Variants in CALN1 observed in about 807,000 individuals in gnomAD.
CALN1 encodes calcium-binding protein 8.
CALN1 carries 17 observed loss-of-function variants against 30.6 expected under a neutral mutation model. That is an observed-to-expected ratio of 0.56 (90% CI 0.38 to 0.83). The LOEUF (loss-of-function observed/expected upper bound fraction) is 0.83, where lower values mean the gene tolerates loss of function less well. Among genes scored for constraint, CALN1 ranks in the 40% least tolerant of loss-of-function variants. The pLI, the probability that CALN1 is intolerant of heterozygous loss-of-function variation, is 0.00. For missense variants in CALN1, 291 were observed against 354.9 expected (o/e 0.82, Z 1.45); for synonymous variants, 156 against 131.4 (o/e 1.19, Z -1.28).
In CALN1 at chr7:72,131,286, G is replaced by A. The variant is rs139318630; in HGVS notation, c.245-24992C>T. ...ATGTACAAGATCCTTAAAGATGAAT[G>A]GTAATTGGATTCAAGATGCTATGGT... On this transcript the variant is annotated intron_variant, in intron 3 of 6. Coordinates refer to ENST00000395275, the MANE Select transcript of CALN1 (RefSeq NM_031468.4). Among the ~76,000 whole-genome samples the A allele has an allele frequency of 6.4e-3, 973 of 152,248 alleles. 13 individuals carry two copies. The highest frequency in any genetic ancestry group is 0.022 in the African/African-American group (897 of 41,532).
chr7:71,894,959 A>C (rs562053008), intron 5 of CALN1, among the ~76,000 whole-genome samples: 1 of 151,972 alleles, frequency 6.6e-6, no homozygotes, highest in South Asian at 2.1e-4. Context: ...CTTGAATTTC[A>C]TTTTCTTTTT....
At chr7:72,322,734 T>C (rs1800972703) in intron 2 of CALN1, among the ~76,000 whole-genome samples, 1 of 151,964 alleles carries the variant, frequency 6.6e-6, no homozygotes, top group Admixed American at 6.6e-5. Context: ...GAATGAATAA[T>C]ACCCTAGTAC....
intron 5 of CALN1, among the ~76,000 whole-genome samples, chr7:71,926,569 C>G (rs1795281696): frequency 6.6e-6 from 1 of 152,208 alleles, no homozygotes; most frequent in African/African-American, 2.4e-5. Flanking sequence ...CTGCTATTAT[C>G]TCTTCAAGTA....
intron 4 of CALN1, among the ~76,000 whole-genome samples, chr7:72,100,396 G>A (rs575917536): frequency 6.6e-5 from 10 of 151,952 alleles, no homozygotes; most frequent in East Asian, 3.9e-4. Flanking sequence ...TGCCCAGACC[G>A]GTCTTAAATT....
Position 72,195,070 on chromosome 7 carries a change from C to T in CALN1, c.244+83616G>A, listed in dbSNP as rs578000506. Among the ~76,000 whole-genome samples the T allele has an allele frequency of 2.0e-4, 30 of 152,298 alleles. 1 individual carries two copies. In the South Asian group the frequency reaches 6.0e-3, roughly 31 times the overall value. On this transcript the variant is annotated intron_variant, in intron 3 of 6. Coordinates refer to ENST00000395275, the MANE Select transcript of CALN1 (RefSeq NM_031468.4). ...CCTCAATCCTCAACATGAGCAAGTT[C>T]AAGTCACTTTACAGTTCGTCATGTG...
At chr7:72,390,021 C>G (rs1805475246) in intron 2 of CALN1, among the ~76,000 whole-genome samples, 1 of 151,936 alleles carries the variant, frequency 6.6e-6, no homozygotes, top group African/African-American at 2.4e-5. Context: ...TGGCTTACTG[C>G]TGGGGTAGTA....
intron 4 of CALN1, among the ~76,000 whole-genome samples, chr7:72,051,119 T>C (rs1397682489): frequency 9.9e-5 from 15 of 151,776 alleles, no homozygotes; most frequent in Non-Finnish European, 2.9e-5. Flanking sequence ...ATAGGGGTAA[T>C]GATATAATTA....
At chr7:72,310,917 AAAAAAAAAAAAC>A (rs1427930803) in intron 2 of CALN1, among the ~76,000 whole-genome samples, 3 of 151,230 alleles carry the variant, frequency 2.0e-5, no homozygotes, top group African/African-American at 7.3e-5. Flanking sequence ...TAAAAAAAAA[AAAAAAAAAAAAC>A]AAAAATAAAG....
At chr7:71,822,629 T>G (rs17144011) in intron 5 of CALN1, among the ~76,000 whole-genome samples, 6,044 of 152,294 alleles carry the variant, frequency 0.04, 379 homozygotes, top group African/African-American at 0.13. Flanking sequence ...TGCTGGATGT[T>G]TTTCCATTTG....
chr7:72,152,163 C>T (rs1029821457), intron 3 of CALN1, among the ~76,000 whole-genome samples: 2 of 151,996 alleles, frequency 1.3e-5, no homozygotes, highest in African/African-American at 4.8e-5. Flanking sequence ...GCCTTGGCCT[C>T]CCAAAGTGCT....
At chr7:72,415,411 G>C (rs992797564), upstream of CALN1, among the ~76,000 whole-genome samples, 1 of 152,216 alleles carries the variant, frequency 6.6e-6, no homozygotes, top group African/African-American at 2.4e-5. Flanking sequence ...TGTGCAAGGC[G>C]GTAGCCACGA....
intron 4 of CALN1, among the ~76,000 whole-genome samples, chr7:72,024,089 C>T (rs1800892224): frequency 6.6e-6 from 1 of 152,198 alleles, no homozygotes; most frequent in Non-Finnish European, 1.5e-5. Context: ...CCCAGTTGTA[C>T]ATGATGGAAG....
chr7:72,234,199 G>T (rs1166005132), intron 3 of CALN1, among the ~76,000 whole-genome samples: 2 of 152,132 alleles, frequency 1.3e-5, no homozygotes, highest in African/African-American at 2.4e-5. Flanking sequence ...AGGTAAAGCA[G>T]GATTAGAACC....
At chr7:72,139,549 G>A (rs888369059) in intron 3 of CALN1, among the ~76,000 whole-genome samples, 5 of 144,312 alleles carry the variant, frequency 3.5e-5, no homozygotes, top group African/African-American at 1.3e-4. Flanking sequence ...CACCCCCTCA[G>A]CCATGCCCAC....
intron 3 of CALN1, among the ~76,000 whole-genome samples, chr7:72,265,864 T>TG (rs1796561264): frequency 6.6e-6 from 1 of 152,042 alleles, no homozygotes; most frequent in African/African-American, 2.4e-5. Context: ...CTGGGCGCAG[T>TG]GGCTCATACC....
chr7:71,836,317 C>T (rs994968241), intron 5 of CALN1, among the ~76,000 whole-genome samples: 1 of 152,110 alleles, frequency 6.6e-6, no homozygotes, highest in African/African-American at 2.4e-5. Flanking sequence ...AGTAACGACA[C>T]GATGGGGGCA....
chr7:72,143,416 C>T (rs1025275874), intron 3 of CALN1, among the ~76,000 whole-genome samples: 1 of 151,952 alleles, frequency 6.6e-6, no homozygotes, highest in Non-Finnish European at 1.5e-5. Context: ...TAGAAGAGAA[C>T]TTTAGAGAAA....
rs490212 is a variant in CALN1 at position 72,278,920 on chromosome 7, T to A, written c.120-110A>T. 3,081 of 1,397,446 alleles carry A rather than the reference T, an allele frequency of 2.2e-3. 51 individuals are homozygous for A. The African/African-American group carries it at 0.038, about 17-fold the overall frequency. 86.6% of individuals were successfully genotyped at this position (1,397,446 alleles called of 1,614,324 possible). ...CAGATGGCCAGTGTCATTTTAAAAA[T>A]AGCAGTAATATTTCTAGTGGGAAAG... On this transcript the variant is annotated intron_variant, in intron 2 of 6. Coordinates refer to ENST00000395275, the MANE Select transcript of CALN1 (RefSeq NM_031468.4).
intron 2 of CALN1, among the ~76,000 whole-genome samples, chr7:72,290,690 T>C (rs761386150): frequency 2.0e-5 from 3 of 152,186 alleles, no homozygotes; most frequent in Non-Finnish European, 4.4e-5. Flanking sequence ...ATTGTTCACA[T>C]TTTTACCTCT....
Sources: allele counts gnomAD v4.1 joint callset (sites outside exome capture counted in the v4.1 genomes callset), GRCh38; gene constraint gnomAD v4.1.1; transcripts MANE v1.5; gene names NCBI Gene and HGNC (gene_info 2026-07-23, HGNC 2026-07-21).